HDGFL3: variants seen among roughly 807,000 people sequenced by gnomAD.
HDGFL3 encodes hepatoma-derived growth factor-related protein 3.
Under a neutral mutation model 27.6 loss-of-function variants are expected in HDGFL3, and 6 were observed. The ratio of observed to expected loss-of-function variants is 0.22; its 90% confidence interval spans 0.12 to 0.43. HDGFL3 has a LOEUF of 0.43. HDGFL3 is among the 20% of genes least tolerant of loss of function. The probability of loss-of-function intolerance (pLI) is 1.00; values close to 1 mark genes in which losing one functional copy is unlikely to be tolerated. For synonymous variants in HDGFL3, 88 were observed against 88.9 expected (o/e 0.99, Z 0.05); for missense variants, 207 against 250.1 (o/e 0.83, Z 1.16).
exon 4 of HDGFL3, chr15:83,112,763 GA>G (rs776467502): frequency 8.1e-6 from 12 of 1,479,190 alleles, no homozygotes; most frequent in Non-Finnish European, 1.1e-5. Flanking sequence ...TGTTTATTTT[GA>G]TAGTGACCAC....
chr15:83,126,694 T>C (rs2035779840), downstream of HDGFL3: 3 of 1,399,376 alleles, frequency 2.1e-6, no homozygotes, highest in Non-Finnish European at 3.0e-6. Flanking sequence ...TTTAGCCTTA[T>C]CAGCAAACCT....
chr15:83,119,757 T>C lies in HDGFL3; in HGVS notation c.394-4016A>G. 3 of 1,597,344 alleles carry C rather than the reference T, an allele frequency of 1.9e-6. No homozygotes were observed. In the South Asian group the frequency reaches 3.4e-5, roughly 18 times the overall value. ...CGGGTATGTAAGGAAACGTTATGCA[T>C]AGAGGCAAATACACAAGCAGGTATA... On this transcript the variant is annotated intron_variant, in intron 3 of 3. Coordinates refer to the HDGFL3 transcript ENST00000568294.
In HDGFL3 at chr15:83,133,226, T is replaced by G. The variant is rs928308670; in HGVS notation, c.*6044A>C. The G allele has an allele frequency of 6.6e-6, 1 of 152,214 alleles. No individual in the cohort carries two copies. Among genetic ancestry groups the G allele is most frequent in the Non-Finnish European group, 1.5e-5 (1 of 68,032 alleles). The allele number at this position is 152,214 out of a possible 1,614,324, so 9.4% of individuals were successfully genotyped here. On this transcript the variant is annotated 3_prime_UTR_variant, in exon 6 of 6. Coordinates refer to ENST00000299633, the MANE Select transcript of HDGFL3 (RefSeq NM_016073.4). ...TTGCTCAGAAAACTCTAAGAAAAGA[T>G]AACACAGTTCTAGATTAGCTATTTA...
Position 83,151,231 on chromosome 15 carries a change from T to C in HDGFL3, c.590A>G (p.Gln197Arg). 1 of 1,612,608 alleles carries C rather than the reference T, an allele frequency of 6.2e-7. No individual in the cohort carries two copies. The highest frequency in any genetic ancestry group is 8.5e-7 in the Non-Finnish European group (1 of 1,179,754). The part of the protein sequence containing the change: ...NDTRNTTSDL[Q>R]KTSEGT ...CATCCTTACCCCTTCACTGGTTTTCTGCAAGTCTGAAGTTGTGTTTCTTGT... is the reference window on the plus strand; with the variant it reads ...CATCCTTACCCCTTCACTGGTTTTCCGCAAGTCTGAAGTTGTGTTTCTTGT... Residue 197 changes from glutamine to arginine, a missense_variant, in exon 5 of 6, where the codon CAG (glutamine) becomes CGG (arginine). Physicochemically the swap from Gln to Arg is conservative, Grantham distance 43. Transcript: ENST00000299633.
At chr15:83,161,160 GCTGC>G (rs1370160682) in intron 2 of HDGFL3, among the ~76,000 whole-genome samples, 1 of 152,178 alleles carries the variant, frequency 6.6e-6, no homozygotes, top group African/African-American at 2.4e-5. Context: ...TGTGGGCTAA[GCTGC>G]CTGGTATTCA....
chr15:83,192,260 A>G (rs1454566843), intron 1 of HDGFL3: 2 of 454,892 alleles, frequency 4.4e-6, no homozygotes, highest in Non-Finnish European at 8.8e-6. Context: ...ACCTCTTTCT[A>G]AGGATACAGA....
chr15:83,154,037 G>A (rs965784149), intron 4 of HDGFL3, among the ~76,000 whole-genome samples: 2 of 151,856 alleles, frequency 1.3e-5, no homozygotes, highest in African/African-American at 2.4e-5. Context: ...AAAACAGGCC[G>A]GGCACAGTGG....
chr15:83,179,047 T>TGA (rs1442452740), intron 1 of HDGFL3: 3 of 152,224 alleles, frequency 2.0e-5, no homozygotes, highest in African/African-American at 7.2e-5. Context: ...AGTTCCTACT[T>TGA]ATCCCCAAGT....
At chr15:83,195,432 A>G (rs1185766520) in intron 1 of HDGFL3, among the ~76,000 whole-genome samples, 6 of 137,424 alleles carry the variant, frequency 4.4e-5, no homozygotes, top group African/African-American at 1.6e-4. Flanking sequence ...TAAAAAAATA[A>G]AAGAAAAATA....
chr15:83,121,886 AC>A, intron 3 of HDGFL3: 1 of 1,518,398 alleles, frequency 6.6e-7, no homozygotes, highest in Non-Finnish European at 9.0e-7. Context: ...AGACAAACAT[AC>A]CAAGTCAAGA....
intron 1 of HDGFL3, among the ~76,000 whole-genome samples, chr15:83,203,839 A>G (rs1322616686): frequency 6.6e-6 from 1 of 151,478 alleles, no homozygotes; most frequent in Non-Finnish European, 1.5e-5. Context: ...CAGAAAGCAC[A>G]TGTATATATA....
chr15:83,125,910 G>A (rs906868012), downstream of HDGFL3, among the ~76,000 whole-genome samples: 3 of 152,246 alleles, frequency 2.0e-5, no homozygotes, highest in African/African-American at 4.8e-5. Context: ...GCATGGGGAA[G>A]AGAAGTAAAG....
At chr15:83,174,317 A>G (rs1359774605) in intron 1 of HDGFL3, among the ~76,000 whole-genome samples, 1 of 152,112 alleles carries the variant, frequency 6.6e-6, no homozygotes. Flanking sequence ...TTAACCCCTG[A>G]AATGTCTCTC....
intron 1 of HDGFL3, among the ~76,000 whole-genome samples, chr15:83,191,588 A>C (rs1183566974): frequency 2.0e-5 from 3 of 152,152 alleles, no homozygotes; most frequent in Non-Finnish European, 4.4e-5. Flanking sequence ...TAAGTTTAAG[A>C]CTTTAACTAA....
intron 1 of HDGFL3, among the ~76,000 whole-genome samples, chr15:83,177,207 T>G (rs1382065782): frequency 6.6e-6 from 1 of 152,172 alleles, no homozygotes; most frequent in African/African-American, 2.4e-5. Context: ...GCGTGAGCCA[T>G]TTTGCATTTT....
chr15:83,180,202 C>T (rs1282467045), intron 1 of HDGFL3, among the ~76,000 whole-genome samples: 7 of 151,916 alleles, frequency 4.6e-5, no homozygotes, highest in Admixed American at 4.6e-4. Context: ...AATCCATAAT[C>T]CCTGCTGTGG....
In HDGFL3 at chr15:83,195,389, G is replaced by A. The variant is rs570838649; in HGVS notation, c.84+11942C>T. Among the ~76,000 whole-genome samples, 25 of 151,870 alleles carry A rather than the reference G, an allele frequency of 1.6e-4. 1 individual carries two copies. In the South Asian group the frequency reaches 2.3e-3, roughly 14 times the overall value. The stretch of plus-strand genomic sequence containing the variant: ...ATGCTGTTGATTGCTAAATGTAATA[G>A]TCTGATCATGATACTGAATAAATGT... On this transcript the variant is annotated intron_variant, in intron 1 of 5. Coordinates refer to ENST00000299633, the MANE Select transcript of HDGFL3 (RefSeq NM_016073.4).
chr15:83,115,963 T>C (rs1272120289), intron 3 of HDGFL3: 1 of 1,589,786 alleles, frequency 6.3e-7, no homozygotes, highest in East Asian at 2.2e-5. Flanking sequence ...ACTTAGTGAT[T>C]ATGAGGTTTC....
In HDGFL3 at chr15:83,116,802, G is replaced by A. The variant is rs79662836; in HGVS notation, c.394-1061C>T. On this transcript the variant is annotated intron_variant, in intron 3 of 3. Transcript: ENST00000568294. ...AGTGGCTGGAATGAATAAGACTTGG[G>A]GACAAATTGGGAGTGATGGGAAGGA... 4.6e-5 allele frequency among the ~76,000 whole-genome samples: 7 copies of A among 152,294 alleles called. No individual in the cohort carries two copies. The East Asian group carries it at 1.4e-3, about 29-fold the overall frequency.
Sources: gnomAD v4.1 joint callset for allele counts (sites outside exome capture counted in the v4.1 genomes callset) on GRCh38, gnomAD v4.1.1 for gene constraint, MANE v1.5 for transcripts, NCBI Gene and HGNC (gene_info 2026-07-23, HGNC 2026-07-21) for gene names.